RERE: variants seen among roughly 807,000 people sequenced by gnomAD.
The protein encoded by RERE is arginine-glutamic acid dipeptide repeats, also known as arginine-glutamic acid dipeptide repeats protein.
RERE carries 40 observed loss-of-function variants against 146.1 expected under a neutral mutation model. The observed-to-expected ratio is 0.27, with a 90% CI of 0.21 to 0.36. The LOEUF is 0.36. Ranked by LOEUF, RERE falls within the 10% of genes least tolerant of loss-of-function variation. The pLI is 1.00. For synonymous variants in RERE, 1,003 were observed against 866.0 expected (o/e 1.16, Z -2.78); for missense variants, 1,933 against 2,138.7 (o/e 0.90, Z 1.90).
In RERE at chr1:8,725,439, G is replaced by A. The variant is rs867375128; in HGVS notation, c.-144-68998C>T. Among the ~76,000 whole-genome samples the A allele has an allele frequency of 1.5e-3, 223 of 152,018 alleles. 2 individuals are homozygous for A. The highest frequency in any genetic ancestry group is 3.3e-3 in the African/African-American group (137 of 41,450). ...AAATTATCCGGGCATGGTGGTGGGCGCCTGTAGTCCCAGCTACTCAGGAGG... is the reference window on the plus strand; with the variant it reads ...AAATTATCCGGGCATGGTGGTGGGCACCTGTAGTCCCAGCTACTCAGGAGG... On this transcript the variant is annotated intron_variant, in intron 1 of 22. Coordinates refer to ENST00000400908, the MANE Select transcript of RERE (RefSeq NM_001042681.2).
At chr1:8,381,073 T>G (rs1440914050) in intron 12 of RERE, 2 of 454,388 alleles carry the variant, frequency 4.4e-6, no homozygotes, top group African/African-American at 4.0e-5. Context: ...CCTCCAGCTC[T>G]ATGTGCTGTC....
chr1:8,476,458 G>C (rs976465461), intron 10 of RERE, among the ~76,000 whole-genome samples: 2 of 152,156 alleles, frequency 1.3e-5, no homozygotes, highest in African/African-American at 4.8e-5. Flanking sequence ...GGGGCTAGGG[G>C]ATGAGGGTGG....
chr1:8,796,712 T>C (rs578099404), intron 1 of RERE: 2 of 151,820 alleles, frequency 1.3e-5, no homozygotes, highest in Admixed American at 6.6e-5. Flanking sequence ...ATGAAAAATA[T>C]GACTTTCCAA....
intron 1 of RERE, chr1:8,751,163 T>C (rs1018169030): frequency 5.9e-5 from 17 of 288,090 alleles, no homozygotes; most frequent in African/African-American, 3.3e-4. Context: ...AAACAGGTAG[T>C]GTTCTGTTGC....
chr1:8,763,939 A>G (rs7517382), intron 1 of RERE, among the ~76,000 whole-genome samples: 1 of 34,202 alleles, frequency 2.9e-5, no homozygotes, highest in Non-Finnish European at 8.6e-5. Context: ...GACTCCGTCT[A>G]AAAAAAAAAA....
At chr1:8,598,627 T>C (rs771244542) in intron 4 of RERE, among the ~76,000 whole-genome samples, 1 of 152,208 alleles carries the variant, frequency 6.6e-6, no homozygotes, top group Non-Finnish European at 1.5e-5. Flanking sequence ...AAGTCGACCA[T>C]CTGGATTTCA....
At chr1:8,503,133 A>G (rs903619815) in intron 8 of RERE, among the ~76,000 whole-genome samples, 2 of 151,816 alleles carry the variant, frequency 1.3e-5, no homozygotes, top group Non-Finnish European at 2.9e-5. Context: ...TAAATAAAAA[A>G]GAATTGATGA....
chr1:8,458,852 G>A (rs1049888047), intron 11 of RERE, among the ~76,000 whole-genome samples: 4 of 152,188 alleles, frequency 2.6e-5, no homozygotes, highest in Non-Finnish European at 5.9e-5. Flanking sequence ...TCCCAGAGGC[G>A]ACTTCTACTG....
intron 3 of RERE, among the ~76,000 whole-genome samples, chr1:8,618,625 G>A (rs918894426): frequency 2.0e-5 from 3 of 152,068 alleles, no homozygotes; most frequent in African/African-American, 7.2e-5. Context: ...AGCCAAGCTG[G>A]GACTAAAGAA....
At chr1:8,568,650 C>G (rs557134913) in intron 4 of RERE, among the ~76,000 whole-genome samples, 1 of 152,286 alleles carries the variant, frequency 6.6e-6, no homozygotes, top group East Asian at 1.9e-4. Flanking sequence ...TCCCCAGAGG[C>G]CAACCAGATG....
At chr1:8,691,446 G>A (rs1319576865) in intron 1 of RERE, among the ~76,000 whole-genome samples, 1 of 152,050 alleles carries the variant, frequency 6.6e-6, no homozygotes, top group African/African-American at 2.4e-5. Flanking sequence ...CAAGTCAATG[G>A]CCTCAAATCA....
chr1:8,586,693 G>A (rs1319150973), intron 4 of RERE, among the ~76,000 whole-genome samples: 1 of 152,162 alleles, frequency 6.6e-6, no homozygotes, highest in Admixed American at 6.5e-5. Flanking sequence ...GCAGATAAAA[G>A]ATGGATTTTA....
chr1:8,535,447 T>C (rs1645712221), intron 7 of RERE, among the ~76,000 whole-genome samples: 1 of 152,174 alleles, frequency 6.6e-6, no homozygotes. Flanking sequence ...CTCATGTTCA[T>C]AGGAACTACA....
chr1:8,688,203 C>T (rs1557482336), intron 1 of RERE, among the ~76,000 whole-genome samples: 2 of 152,118 alleles, frequency 1.3e-5, no homozygotes, highest in African/African-American at 4.8e-5. Flanking sequence ...TTTGGAAGGC[C>T]AAGTCAGGAG....
chr1:8,557,995 CAAGGTTTGCCTATTACCCAGACTA>C (rs1333227723), intron 4 of RERE, among the ~76,000 whole-genome samples: 1 of 152,118 alleles, frequency 6.6e-6, no homozygotes, highest in Non-Finnish European at 1.5e-5. Flanking sequence ...ATCTCTTCTC[CAAGGTTTGCCTATTACCCAGACTA>C]AATCAGATTC....
chr1:8,472,364 C>T (rs1025525500), intron 10 of RERE, among the ~76,000 whole-genome samples: 2 of 152,152 alleles, frequency 1.3e-5, no homozygotes, highest in Non-Finnish European at 2.9e-5. Context: ...CACACAGCTA[C>T]GTCTATAGTC....
intron 8 of RERE, 139 bp from the exon 9 acceptor site, chr1:8,497,668 C>G (rs1049115010): frequency 1.4e-5 from 12 of 873,678 alleles, no homozygotes; most frequent in Middle Eastern, 2.5e-4. Flanking sequence ...ACAACAAAAC[C>G]ATGAGTCATT....
chr1:8,400,268 T>C (rs1318548226), intron 12 of RERE, among the ~76,000 whole-genome samples: 3 of 90,070 alleles, frequency 3.3e-5, no homozygotes, highest in Non-Finnish European at 7.6e-5. Context: ...ATATATATTA[T>C]AGTTTGACAA....
At chr1:8,682,548 T>C (rs1420574455) in intron 1 of RERE, among the ~76,000 whole-genome samples, 1 of 152,228 alleles carries the variant, frequency 6.6e-6, no homozygotes, top group African/African-American at 2.4e-5. Context: ...CCATGTCTTG[T>C]TTTATGAGTG....
Sources: allele counts gnomAD v4.1 joint callset (sites outside exome capture counted in the v4.1 genomes callset), GRCh38; gene constraint gnomAD v4.1.1; transcripts MANE v1.5; gene names NCBI Gene and HGNC (gene_info 2026-07-23, HGNC 2026-07-21).